Variants in CALN1 observed in about 807,000 individuals in gnomAD.
CALN1 encodes calneuron 1.
CALN1 carries 17 observed loss-of-function variants against 30.6 expected under a neutral mutation model. The ratio of observed to expected loss-of-function variants is 0.56; its 90% CI spans 0.38 to 0.83. The LOEUF is 0.83. CALN1 is among the 40% of genes least tolerant of loss of function. The pLI is 0.00. For missense variants in CALN1, 291 were observed against 354.9 expected, an observed-to-expected ratio of 0.82 and a Z score of 1.45; for synonymous variants, 156 against 131.4, an observed-to-expected ratio of 1.19 and a Z score of -1.28.
At chr7:72,219,076 T>A (rs1297405705) in intron 3 of CALN1, among the ~76,000 whole-genome samples, 2 of 152,174 alleles carry the variant, frequency 1.3e-5, no homozygotes, top group African/African-American at 4.8e-5. Context: ...CAACATGCAT[T>A]TTTTGGGAAT....
At chr7:72,489,011 A>G in the CALN1 span, among the ~76,000 whole-genome samples, 1 of 152,190 alleles carries the variant, frequency 6.6e-6, no homozygotes, top group Non-Finnish European at 1.5e-5. Context: ...CAGTCAAGAT[A>G]GATATGGTAA....
chr7:72,468,177 T>TA, the CALN1 span, among the ~76,000 whole-genome samples: 1 of 152,252 alleles, frequency 6.6e-6, no homozygotes, highest in Non-Finnish European at 1.5e-5. Flanking sequence ...GTCTACCTTT[T>TA]AGCCATTGTG....
chr7:71,869,096 C>T (rs994625343), intron 5 of CALN1, among the ~76,000 whole-genome samples: 1 of 152,146 alleles, frequency 6.6e-6, no homozygotes, highest in Non-Finnish European at 1.5e-5. Context: ...GGACAGAGTG[C>T]TTCTCCTCTC....
chr7:72,379,082 T>G (rs1804737973), intron 2 of CALN1, among the ~76,000 whole-genome samples: 1 of 152,228 alleles, frequency 6.6e-6, no homozygotes, highest in Admixed American at 6.5e-5. Flanking sequence ...TATATAATAT[T>G]TTTTCATTTG....
chr7:72,410,945 G>A (rs1373909266), intron 1 of CALN1, among the ~76,000 whole-genome samples: 2 of 151,254 alleles, frequency 1.3e-5, no homozygotes, highest in African/African-American at 2.4e-5. Flanking sequence ...CATAAGATGG[G>A]AAAAGAAATA....
chr7:71,943,858 A>G (rs1263747442), intron 5 of CALN1, among the ~76,000 whole-genome samples: 1 of 152,224 alleles, frequency 6.6e-6, no homozygotes, highest in Admixed American at 6.5e-5. Flanking sequence ...TTATTTTCAA[A>G]GACATCTATG....
the CALN1 span, among the ~76,000 whole-genome samples, chr7:72,471,256 C>G: frequency 6.6e-6 from 1 of 152,160 alleles, no homozygotes; most frequent in Admixed American, 6.5e-5. Flanking sequence ...CCCCAGAATT[C>G]CTTTTCATGA....
intron 2 of CALN1, among the ~76,000 whole-genome samples, chr7:72,290,816 A>T (rs1279476660): frequency 6.6e-6 from 1 of 151,844 alleles, no homozygotes; most frequent in African/African-American, 2.4e-5. Flanking sequence ...ACATGACTGT[A>T]TTTTCCATTT....
At chr7:72,227,316 G>T (rs1191005687) in intron 3 of CALN1, among the ~76,000 whole-genome samples, 1 of 151,474 alleles carries the variant, frequency 6.6e-6, no homozygotes, top group Admixed American at 6.6e-5. Context: ...AAGGTAAGCA[G>T]ATAACTAAAG....
intron 3 of CALN1, among the ~76,000 whole-genome samples, chr7:72,136,037 G>A (rs1809485731): frequency 2.0e-5 from 3 of 152,130 alleles, no homozygotes; most frequent in Middle Eastern, 3.4e-3. Context: ...GGAGGCTGAG[G>A]CAGGGAGAAT....
At position 72,066,948 on chromosome 7, in the gene CALN1, AT is replaced by A. The variant is rs548362102; in HGVS notation, c.388+39202del. On this transcript the variant is annotated intron_variant, in intron 4 of 6. Coordinates refer to ENST00000395275, the MANE Select transcript of CALN1 (RefSeq NM_031468.4). ...AGGCACGTGCCACCATGCCCAGCTA[AT>A]TTTTTTTTTTTTGTATTTTAGTAGA... 7.5e-3 allele frequency among the ~76,000 whole-genome samples: 1,084 copies of A among 144,548 alleles called. 3 individuals are homozygous for A. The highest frequency in any genetic ancestry group is 0.021 in the African/African-American group (828 of 39,722). 94.8% of individuals were successfully genotyped at this position (144,548 alleles called of 152,430 possible).
At chr7:71,973,269 G>A (rs763303468) in intron 5 of CALN1, among the ~76,000 whole-genome samples, 49 of 151,872 alleles carry the variant, frequency 3.2e-4, no homozygotes, top group Non-Finnish European at 5.9e-4. Flanking sequence ...TCTGCCTCCC[G>A]GGTTCAAGCG....
At chr7:71,950,376 G>A (rs986817968) in intron 5 of CALN1, among the ~76,000 whole-genome samples, 1 of 152,128 alleles carries the variant, frequency 6.6e-6, no homozygotes, top group Admixed American at 6.5e-5. Flanking sequence ...TAGGATCTAG[G>A]TCTCCGACAA....
At chr7:71,923,026 T>TAC (rs1162643295) in intron 5 of CALN1, among the ~76,000 whole-genome samples, 700 of 149,904 alleles carry the variant, frequency 4.7e-3, no homozygotes, top group Non-Finnish European at 7.1e-3. Flanking sequence ...TACTATACTA[T>TAC]TCTATACTAT....
At chr7:71,860,341 T>C (rs1791201359) in intron 5 of CALN1, among the ~76,000 whole-genome samples, 2 of 151,984 alleles carry the variant, frequency 1.3e-5, no homozygotes, top group Non-Finnish European at 2.9e-5. Flanking sequence ...TGCAGGCACA[T>C]GCCACCATGC....
At chr7:72,238,246 C>T (rs534181207) in intron 3 of CALN1, among the ~76,000 whole-genome samples, 2 of 152,076 alleles carry the variant, frequency 1.3e-5, no homozygotes, top group Non-Finnish European at 2.9e-5. Flanking sequence ...TTAATATTTC[C>T]ATTTTTTTCT....
At chr7:72,397,094 AGAGATG>A (rs1338962932) in intron 2 of CALN1, among the ~76,000 whole-genome samples, 1 of 151,896 alleles carries the variant, frequency 6.6e-6, no homozygotes, top group African/African-American at 2.4e-5. Context: ...TTAGTTTTGC[AGAGATG>A]GAGTCTCACT....
In CALN1 at chr7:71,835,278, A is replaced by G. The variant is rs139939448; in HGVS notation, c.502-24786T>C. The stretch of plus-strand genomic sequence containing the variant: ...ACCAGATCACTAATATGGCACTTGG[A>G]TAAGTCACACTTCCTTCTGTTTGTC... On this transcript the variant is annotated intron_variant, in intron 5 of 6. Coordinates refer to ENST00000395275, the MANE Select transcript of CALN1 (RefSeq NM_031468.4). Among the ~76,000 whole-genome samples the G allele has an allele frequency of 2.7e-3, 408 of 152,334 alleles. 2 individuals are homozygous for G. Among genetic ancestry groups the G allele is most frequent in the South Asian group, 0.016 (77 of 4,826 alleles).
chr7:72,386,095 G>A (rs1805196653), intron 2 of CALN1, among the ~76,000 whole-genome samples: 1 of 152,246 alleles, frequency 6.6e-6, no homozygotes, highest in African/African-American at 2.4e-5. Flanking sequence ...GGGATAAAGG[G>A]AAAGGTTGAA....
Sources: gnomAD v4.1 joint callset for allele counts (sites outside exome capture counted in the v4.1 genomes callset) on GRCh38, gnomAD v4.1.1 for gene constraint, MANE v1.5 for transcripts, NCBI Gene and HGNC (gene_info 2026-07-23, HGNC 2026-07-21) for gene names.